Variants in BCL2 observed in about 807,000 individuals in gnomAD.
The protein encoded by BCL2 is apoptosis regulator Bcl-2.
BCL2 carries 1 observed loss-of-function variant against 14.2 expected under a neutral mutation model. That is an observed-to-expected ratio of 0.07 (90% CI 0.02 to 0.33). The LOEUF (loss-of-function observed/expected upper bound fraction) is 0.33. Among genes scored for constraint, BCL2 ranks in the 10% least tolerant of loss-of-function variants. The pLI is 0.99. For synonymous variants in BCL2, 151 were observed against 137.2 expected, an observed-to-expected ratio of 1.10 and a Z score of -0.70; for missense variants, 247 against 305.9, an observed-to-expected ratio of 0.81 and a Z score of 1.44.
chr18:63,294,908 C>T (rs766968490), intron 2 of BCL2, among the ~76,000 whole-genome samples: 45 of 151,830 alleles, frequency 3.0e-4, no homozygotes, highest in Non-Finnish European at 5.7e-4. Flanking sequence ...CACCTGTAAT[C>T]CCAGAACTTT....
intron 2 of BCL2, among the ~76,000 whole-genome samples, chr18:63,162,770 C>T (rs1057193624): frequency 6.6e-6 from 1 of 152,132 alleles, no homozygotes; most frequent in African/African-American, 2.4e-5. Flanking sequence ...CATTTCCATG[C>T]CTTCACCCTC....
intron 2 of BCL2, among the ~76,000 whole-genome samples, chr18:63,238,472 G>C (rs537603374): frequency 6.6e-6 from 1 of 152,238 alleles, no homozygotes; most frequent in South Asian, 2.1e-4. Flanking sequence ...AAATCCCATA[G>C]GCATGGGGCC....
intron 2 of BCL2, among the ~76,000 whole-genome samples, chr18:63,220,385 C>T (rs758986335): frequency 6.6e-6 from 1 of 152,198 alleles, no homozygotes; most frequent in Non-Finnish European, 1.5e-5. Context: ...AAAAATTTTA[C>T]AACCACTGTA....
intron 2 of BCL2, among the ~76,000 whole-genome samples, chr18:63,202,654 T>C (rs1909728883): frequency 6.6e-6 from 1 of 152,204 alleles, no homozygotes; most frequent in South Asian, 2.1e-4. Context: ...ATTTCCAAAC[T>C]TCCATCATAG....
At chr18:63,309,722 A>G (rs919181841) in intron 2 of BCL2, among the ~76,000 whole-genome samples, 2 of 152,170 alleles carry the variant, frequency 1.3e-5, no homozygotes, top group Non-Finnish European at 1.5e-5. Flanking sequence ...AAACGCAGCC[A>G]TCCTTCAGTA....
intron 2 of BCL2, among the ~76,000 whole-genome samples, chr18:63,201,700 C>A (rs1008848127): frequency 6.6e-6 from 1 of 152,094 alleles, no homozygotes; most frequent in African/African-American, 2.4e-5. Flanking sequence ...AACTGGAAAC[C>A]ATCATTCTCA....
At chr18:63,158,782 C>T (rs1914846706) in intron 2 of BCL2, among the ~76,000 whole-genome samples, 1 of 152,166 alleles carries the variant, frequency 6.6e-6, no homozygotes, top group African/African-American at 2.4e-5. Context: ...CATTTAGGCA[C>T]TGGTGAGTCA....
At chr18:63,288,154 C>G (rs1280372601) in intron 2 of BCL2, among the ~76,000 whole-genome samples, 1 of 152,096 alleles carries the variant, frequency 6.6e-6, no homozygotes, top group Non-Finnish European at 1.5e-5. Context: ...CAATATCTTT[C>G]CACAAATACT....
At chr18:63,164,758 C>T (rs1290036174) in intron 2 of BCL2, among the ~76,000 whole-genome samples, 1 of 152,036 alleles carries the variant, frequency 6.6e-6, no homozygotes, top group Non-Finnish European at 1.5e-5. Flanking sequence ...GAGAAATGAA[C>T]TTAAGCCATG....
rs746843479 is a variant in BCL2 at position 63,303,871 on chromosome 18, G to A, written c.585+14211C>T. Among the ~76,000 whole-genome samples the A allele has an allele frequency of 7.9e-5, 12 of 152,134 alleles. No individual in the cohort carries two copies. In the South Asian group the frequency reaches 1.0e-3, roughly 13 times the overall value. On this transcript the variant is annotated intron_variant, in intron 2 of 2. Transcript: ENST00000333681. ...GATGAGTAGGTAAGGAAAAGATTGC[G>A]CTAAACATTTTAGCCAAAAATAGTA...
intron 2 of BCL2, among the ~76,000 whole-genome samples, chr18:63,129,404 G>A (rs1914005319): frequency 6.6e-6 from 1 of 151,322 alleles, no homozygotes; most frequent in African/African-American, 2.4e-5. Context: ...TGATCCTCCT[G>A]CCTCCGCCTC....
chr18:63,272,519 G>T (rs1912032168), intron 2 of BCL2, among the ~76,000 whole-genome samples: 1 of 152,070 alleles, frequency 6.6e-6, no homozygotes, highest in South Asian at 2.1e-4. Flanking sequence ...AAAAAAAACA[G>T]AAATGTTTTT....
At chr18:63,291,343 T>C (rs1912639791) in intron 2 of BCL2, among the ~76,000 whole-genome samples, 1 of 152,220 alleles carries the variant, frequency 6.6e-6, no homozygotes, top group South Asian at 2.1e-4. Context: ...ACACTGAAGT[T>C]CACGGTTATT....
intron 2 of BCL2, among the ~76,000 whole-genome samples, chr18:63,261,631 T>C (rs77200139): frequency 0.016 from 2,381 of 152,206 alleles, 62 homozygotes; most frequent in African/African-American, 0.054. Flanking sequence ...GGATAAACCA[T>C]ATTTATATTA....
intron 2 of BCL2, among the ~76,000 whole-genome samples, chr18:63,266,637 T>TCTCTCTCTCTCA (rs1491465885): frequency 2.3e-5 from 2 of 86,012 alleles, no homozygotes; most frequent in African/African-American, 7.2e-5. Context: ...TCTCTCTCTC[T>TCTCTCTCTCTCA]CACACACACA....
chr18:63,143,225 C>T (rs1331962293), intron 2 of BCL2, among the ~76,000 whole-genome samples: 2 of 152,116 alleles, frequency 1.3e-5, no homozygotes, highest in Admixed American at 6.5e-5. Context: ...GACCCAGAGA[C>T]CCAGAAAGAC....
intron 2 of BCL2, among the ~76,000 whole-genome samples, chr18:63,256,440 C>T (rs1348265434): frequency 6.6e-6 from 1 of 152,210 alleles, no homozygotes; most frequent in Admixed American, 6.5e-5. Flanking sequence ...TGGTCTTGAA[C>T]TTCCGACCTC....
At chr18:63,311,479 T>C (rs897968572) in intron 2 of BCL2, among the ~76,000 whole-genome samples, 2 of 152,192 alleles carry the variant, frequency 1.3e-5, no homozygotes, top group African/African-American at 2.4e-5. Context: ...TTGGTCTCAA[T>C]GGAGAAAACC....
chr18:63,224,256 G>A (rs1311513122), intron 2 of BCL2, among the ~76,000 whole-genome samples: 1 of 152,206 alleles, frequency 6.6e-6, no homozygotes, highest in African/African-American at 2.4e-5. Flanking sequence ...GTTCTGGAAA[G>A]AAAGAGCAGC....
Sources: allele counts gnomAD v4.1 joint callset (sites outside exome capture counted in the v4.1 genomes callset), GRCh38; gene constraint gnomAD v4.1.1; transcripts MANE v1.5; gene names NCBI Gene and HGNC (gene_info 2026-07-23, HGNC 2026-07-21).